CKAP2: variants seen among roughly 807,000 people sequenced by gnomAD.
CKAP2 encodes the protein cytoskeleton associated protein 2.
Under a neutral mutation model 58.4 loss-of-function variants are expected in CKAP2, and 46 were observed. That is an observed-to-expected ratio of 0.79 (90% CI 0.62 to 1.01). CKAP2 has a LOEUF of 1.01. Among genes scored for constraint, CKAP2 ranks in the 50% least tolerant of loss-of-function variants. CKAP2 has a pLI of 0.00. For synonymous variants in CKAP2, 293 were observed against 280.9 expected, an observed-to-expected ratio of 1.04 and a Z score of -0.43; for missense variants, 809 against 796.4, an observed-to-expected ratio of 1.02 and a Z score of -0.19.
chr13:52,468,385 T>G (rs761636009), intron 7 of CKAP2, 38 bp downstream of exon 7: 1 of 1,275,402 alleles, frequency 7.8e-7, no homozygotes, highest in East Asian at 2.3e-5. Context: ...ATGTGAACTG[T>G]AGTTTTTTTT....
intron 2 of CKAP2, among the ~76,000 whole-genome samples, chr13:52,459,333 G>GT (rs534560714): frequency 6.5e-4 from 98 of 151,764 alleles, no homozygotes; most frequent in African/African-American, 2.2e-3. Context: ...GTTTTGTTTT[G>GT]TTTTTTTGAG....
rs1958814804 is a variant in CKAP2 at position 52,475,391 on chromosome 13, A to G, written c.*250A>G. 4.6e-6 allele frequency: 2 copies of G among 432,454 alleles called. No homozygotes were observed. The highest frequency in any genetic ancestry group is 8.2e-6 in the Non-Finnish European group (2 of 243,062). 26.8% of individuals were successfully genotyped at this position (432,454 alleles called of 1,614,324 possible). On this transcript the variant is annotated 3_prime_UTR_variant, in exon 9 of 9. Transcript: ENST00000258607. ...TTAAGAAAGGTAAATTTTGTCAGCT[A>G]GTTTACTATGTTCCTTGAATATAAA... is the stretch of plus-strand genomic sequence containing the variant.
chr13:52,469,959 A>G (rs547296602), intron 7 of CKAP2, among the ~76,000 whole-genome samples: 5 of 152,302 alleles, frequency 3.3e-5, no homozygotes, highest in African/African-American at 1.2e-4. Context: ...ATTAATATTA[A>G]TTAACTTTAG....
Position 52,455,538 on chromosome 13 carries a change from C to A in CKAP2, c.-19C>A, listed in dbSNP as rs368345050. 6.2e-6 allele frequency: 10 copies of A among 1,612,598 alleles called. No homozygotes were observed. The highest frequency in any genetic ancestry group is 4.4e-5 in the South Asian group (4 of 91,082). On this transcript the variant is annotated 5_prime_UTR_variant, in exon 1 of 9. Transcript: ENST00000258607. Reference sequence around the variant, plus strand: ...TCTTGGCGCTAAAGCGGAGACGCATCCCCCGACCCGAGGCTACGATGAGCA... The same window carrying A: ...TCTTGGCGCTAAAGCGGAGACGCATACCCCGACCCGAGGCTACGATGAGCA...
chr13:52,456,938 G>C (rs1226041641), intron 2 of CKAP2, among the ~76,000 whole-genome samples: 1 of 151,884 alleles, frequency 6.6e-6, no homozygotes, highest in Non-Finnish European at 1.5e-5. Context: ...CTGTTGCCAG[G>C]TTGGAGTGCA....
At chr13:52,462,699 G>A in intron 5 of CKAP2, 132 bp downstream of exon 5, 1 of 672,248 alleles carries the variant, frequency 1.5e-6, no homozygotes, top group South Asian at 2.0e-5. Context: ...AACATTAACT[G>A]TGAGGTTATT....
At chr13:52,465,827 T>C (rs1365034152) in intron 6 of CKAP2, 1 of 401,650 alleles carries the variant, frequency 2.5e-6, no homozygotes, top group Non-Finnish European at 4.9e-6. Flanking sequence ...GGGATTAAAT[T>C]CGCTTTTTAA....
chr13:52,474,104 C>A lies in CKAP2; in HGVS notation c.1802+20C>A. ...GCAAAGGTAAACTTTTAAAATGTAC[C>A]ATGATTTGTTTTCATGCTTGGAGAT... On this transcript the variant is annotated intron_variant, in intron 8 of 8. Coordinates refer to ENST00000258607, the MANE Select transcript of CKAP2 (RefSeq NM_018204.5). 6.3e-7 allele frequency: 1 copy of A among 1,593,612 alleles called. No homozygotes were observed. Among genetic ancestry groups the A allele is most frequent in the Non-Finnish European group, 8.6e-7 (1 of 1,169,152 alleles).
At chr13:52,469,584 TA>T (rs1566104074) in intron 7 of CKAP2, among the ~76,000 whole-genome samples, 4 of 143,504 alleles carry the variant, frequency 2.8e-5, no homozygotes, top group Non-Finnish European at 6.1e-5. Context: ...AATATTTATT[TA>T]TTTATTTATT....
chr13:52,465,734 A>G (rs1243277887), intron 6 of CKAP2: 2 of 536,724 alleles, frequency 3.7e-6, no homozygotes, highest in Non-Finnish European at 7.1e-6. Flanking sequence ...GTTTTAGCAT[A>G]TTATTGTATG....
chr13:52,456,292 T>A, intron 1 of CKAP2: 1 of 751,610 alleles, frequency 1.3e-6, no homozygotes, highest in Non-Finnish European at 1.8e-6. Context: ...TCACAGGGAG[T>A]AGAGAATGTG....
chr13:52,464,275 A>G (rs1958628838), intron 5 of CKAP2, among the ~76,000 whole-genome samples: 1 of 152,126 alleles, frequency 6.6e-6, no homozygotes, highest in African/African-American at 2.4e-5. Context: ...TCATCTGGTC[A>G]GGTGGGGTGG....
chr13:52,470,108 T>C (rs947768056), intron 7 of CKAP2, among the ~76,000 whole-genome samples: 1 of 151,702 alleles, frequency 6.6e-6, no homozygotes, highest in Non-Finnish European at 1.5e-5. Flanking sequence ...GTTTGAACTT[T>C]TTCTTTTTTT....
At chr13:52,469,198 G>A (rs7336679) in intron 7 of CKAP2, among the ~76,000 whole-genome samples, 90,403 of 152,036 alleles carry the variant, frequency 0.59, 27,070 homozygotes, top group Middle Eastern at 0.7. Context: ...CTGTTGACCT[G>A]CCTCTGAGAT....
At chr13:52,468,012 G>A (rs975487422) in intron 6 of CKAP2, among the ~76,000 whole-genome samples, 2 of 151,960 alleles carry the variant, frequency 1.3e-5, no homozygotes, top group South Asian at 2.1e-4. Flanking sequence ...GGGTTTCACC[G>A]TGTTAGCCAG....
intron 6 of CKAP2, 45 bp from the exon 7 acceptor site, chr13:52,468,233 A>G: frequency 8.2e-7 from 1 of 1,222,306 alleles, no homozygotes; most frequent in Admixed American, 2.2e-5. Context: ...ATGTCAGAGA[A>G]AATAAAACTT....
At chr13:52,462,283 A>G (rs1958597818) in intron 4 of CKAP2, 80 bp from the exon 5 acceptor site, 1 of 1,285,002 alleles carries the variant, frequency 7.8e-7, no homozygotes, top group Middle Eastern at 2.0e-4. Context: ...ACTTAAAAAT[A>G]TGATTTTTTC....
chr13:52,468,962 A>C (rs1041628280), intron 7 of CKAP2, among the ~76,000 whole-genome samples: 2 of 152,190 alleles, frequency 1.3e-5, no homozygotes, highest in African/African-American at 2.4e-5. Context: ...ACTGTCTTCC[A>C]CAATGGTTGA....
intron 4 of CKAP2, 21 bp from the exon 5 acceptor site, chr13:52,462,342 T>C (rs752714485): frequency 1.9e-6 from 3 of 1,597,728 alleles, no homozygotes; most frequent in Non-Finnish European, 2.6e-6. Context: ...AAGTAACGTT[T>C]ATATCTGCTT....
Sources: allele counts gnomAD v4.1 joint callset (sites outside exome capture counted in the v4.1 genomes callset), GRCh38; gene constraint gnomAD v4.1.1; transcripts MANE v1.5; gene names NCBI Gene and HGNC (gene_info 2026-07-23, HGNC 2026-07-21).